Variants in BPNT2 observed in about 807,000 individuals in gnomAD.
BPNT2 encodes 3'(2'), 5'-bisphosphate nucleotidase 2.
In BPNT2, 11 loss-of-function variants were observed where a neutral mutation model predicts 29.3. The ratio of observed to expected loss-of-function variants is 0.38; its 90% confidence interval spans 0.24 to 0.62. The LOEUF (loss-of-function observed/expected upper bound fraction) is 0.62. Among genes scored for constraint, BPNT2 ranks in the 20% least tolerant of loss-of-function variants. The pLI, the probability that BPNT2 is intolerant of heterozygous loss-of-function variation, is 0.62. For missense variants in BPNT2, 459 were observed against 473.4 expected (o/e 0.97, Z 0.28); for synonymous variants, 195 against 187.7 (o/e 1.04, Z -0.32).
chr8:56,967,224 G>A (rs766726777), intron 3 of BPNT2: 1 of 456,286 alleles, frequency 2.2e-6, no homozygotes, highest in South Asian at 1.5e-5. Context: ...TCTGGCTGCA[G>A]AGAAAAAAAT....
rs1252335266 is a variant in BPNT2, at chr8:56,980,054, A to G, written c.531T>C (p.Asp177=). Residue 177 remains aspartate (D), a synonymous_variant, in exon 2 of 5, where the codon GAT becomes GAC. Transcript: ENST00000262644. ...AATTACCTGTATATTCCTGTGTAGC[A>G]TCAAGTGGGTCAATCCAGACAGTAA... ...ESVTVWIDPL[D]ATQEYTEDLR... is the part of the protein sequence containing the mutation. The G allele has an allele frequency of 1.2e-6, 2 of 1,613,870 alleles. No individual in the cohort carries two copies. Among genetic ancestry groups the G allele is most frequent in the East Asian group, 2.2e-5 (1 of 44,832 alleles).
At position 56,993,693 on chromosome 8, in the gene BPNT2, A is replaced by T. The variant is rs1380415212; in HGVS notation, c.-108T>A. The T allele has an allele frequency of 9.7e-7, 1 of 1,035,754 alleles. No individual in the cohort carries two copies. The highest frequency in any genetic ancestry group is 1.2e-6 in the Non-Finnish European group (1 of 863,942). The allele number at this position is 1,035,754 out of a possible 1,614,324, so 64.2% of individuals were successfully genotyped here. On this transcript the variant is annotated 5_prime_UTR_variant, in exon 1 of 5. Transcript: ENST00000262644. ...CCGGGCCAGGCGCCGCGCGGGCTACACTGGCGCCCGCTCCCCGGCCCCGGT... is the reference window on the plus strand; with the variant it reads ...CCGGGCCAGGCGCCGCGCGGGCTACTCTGGCGCCCGCTCCCCGGCCCCGGT...
chr8:56,969,854 T>C (rs1021243875), intron 3 of BPNT2, among the ~76,000 whole-genome samples: 6 of 152,214 alleles, frequency 3.9e-5, no homozygotes, highest in Non-Finnish European at 7.4e-5. Flanking sequence ...AGGAAGCCTG[T>C]TCCTTCCTGG....
chr8:56,993,442 G>C lies in BPNT2; in HGVS notation c.144C>G (p.Gly48=), dbSNP rs933551742. The part of the protein sequence containing the change: ...LFGLGGEPGG[G]AAGPAAAADG... ...CGGCCGCGGCCGCGGGCCCCGCCGC[G>C]CCGCCGCCAGGCTCGCCGCCCAGGC... Residue 48 remains glycine, a synonymous_variant, in exon 1 of 5, where the codon GGC becomes GGG. Coordinates refer to ENST00000262644, the MANE Select transcript of BPNT2 (RefSeq NM_017813.5). 1 of 1,476,164 alleles carries C rather than the reference G, an allele frequency of 6.8e-7. No individual in the cohort carries two copies. The highest frequency in any genetic ancestry group is 2.8e-5 in the East Asian group (1 of 35,946). The allele number at this position is 1,476,164 out of a possible 1,614,324, so 91.4% of individuals were successfully genotyped here. A position where few individuals can be genotyped will look rare whatever the true frequency, so the allele number is the denominator to read the frequency against.
At chr8:56,991,920 G>A (rs891883895) in intron 1 of BPNT2, among the ~76,000 whole-genome samples, 2 of 151,638 alleles carry the variant, frequency 1.3e-5, no homozygotes, top group African/African-American at 2.4e-5. Context: ...AACAGAGTAG[G>A]GAAGAAGAAA....
intron 2 of BPNT2, 59 bp from the exon 3 acceptor site, chr8:56,978,204 A>G (rs1180826729): frequency 2.9e-6 from 3 of 1,044,794 alleles, no homozygotes; most frequent in South Asian, 1.3e-5. Context: ...CATAAATTCA[A>G]GATACAATAT....
Position 56,958,435 on chromosome 8 carries a change from A to AGTAT in BPNT2, c.*5354_*5357dup, listed in dbSNP as rs1442630482. The AGTAT allele has an allele frequency of 6.6e-6, 1 of 152,180 alleles. No individual in the cohort carries two copies. Among genetic ancestry groups the AGTAT allele is most frequent in the Non-Finnish European group, 1.5e-5 (1 of 68,034 alleles). The allele number at this position is 152,180 out of a possible 1,614,324, so 9.4% of individuals were successfully genotyped here. ...AAGTCGGGACCCATTTAAATTTGGT[A>AGTAT]GTATGGGTGAGGAAGGTCATAACAC... On this transcript the variant is annotated 3_prime_UTR_variant, in exon 5 of 5. Transcript: ENST00000262644.
intron 1 of BPNT2, among the ~76,000 whole-genome samples, chr8:56,983,880 G>A: frequency 6.6e-6 from 1 of 152,022 alleles, no homozygotes; most frequent in East Asian, 1.9e-4. Flanking sequence ...ATCATGGTGT[G>A]GTGACTTACC....
rs2129207520 is a variant in BPNT2, at chr8:56,993,730, C to G, written c.-145G>C. 1.0e-6 allele frequency: 1 copy of G among 976,398 alleles called. No homozygotes were observed. The highest frequency in any genetic ancestry group is 4.6e-5 in the South Asian group (1 of 21,814). The allele number at this position is 976,398 out of a possible 1,614,324, so 60.5% of individuals were successfully genotyped here. A position where few individuals can be genotyped will look rare whatever the true frequency, so the allele number is the denominator to read the frequency against. ...TCCCCGGCCCCGGTGCGCCCCATCA[C>G]TCCCTCCCAGGAAAGGCCGAGTTGC... is the stretch of plus-strand genomic sequence containing the variant. On this transcript the variant is annotated 5_prime_UTR_variant, in exon 1 of 5. Coordinates refer to ENST00000262644, the MANE Select transcript of BPNT2 (RefSeq NM_017813.5).
Position 56,964,041 on chromosome 8 carries a change from C to G in BPNT2, c.832G>C (p.Asp278His). ...GAGYKVLALL[D>H]VPDKSQEKAD... ...TTTTCTTGACTCTTATCAGGCACATCCAAAAGTGCTAAAACTTTATAACCT... is the reference window on the plus strand; with the variant it reads ...TTTTCTTGACTCTTATCAGGCACATGCAAAAGTGCTAAAACTTTATAACCT... The change falls in exon 5 of 5, where the codon GAT becomes CAT. Residue 278 changes from aspartate to histidine, a missense_variant. Physicochemically the swap from Asp to His is moderately conservative, Grantham distance 81. Coordinates refer to ENST00000262644, the MANE Select transcript of BPNT2 (RefSeq NM_017813.5). The G allele has an allele frequency of 6.3e-7, 1 of 1,598,828 alleles. No homozygotes were observed. The highest frequency in any genetic ancestry group is 8.5e-7 in the Non-Finnish European group (1 of 1,170,334).
Position 56,993,400 on chromosome 8 carries a change from G to A in BPNT2, c.186C>T (p.Asp62=), listed in dbSNP as rs1184168622. Residue 62 remains aspartate, a synonymous_variant, in exon 1 of 5, where the codon GAC becomes GAT. Transcript: ENST00000262644. ...PAAAADGGTV[D]LREMLAVSVL... is the part of the protein sequence containing the mutation. Reference sequence around the variant, plus strand: ...CTGACACAGCCAGCATCTCGCGCAAGTCCACGGTGCCCCCATCGGCCGCGG... The same window carrying A: ...CTGACACAGCCAGCATCTCGCGCAAATCCACGGTGCCCCCATCGGCCGCGG... 5.0e-6 allele frequency: 8 copies of A among 1,606,320 alleles called. No homozygotes were observed. The highest frequency in any genetic ancestry group is 2.7e-5 in the African/African-American group (2 of 74,766).
chr8:56,984,034 C>CA (rs1214050328), intron 1 of BPNT2, among the ~76,000 whole-genome samples: 29 of 146,026 alleles, frequency 2.0e-4, no homozygotes, highest in African/African-American at 4.3e-4. Context: ...GAATAAACTT[C>CA]AAAAAAAAAA....
chr8:56,993,397 C>G lies in BPNT2; in HGVS notation c.189G>C (p.Leu63Phe), dbSNP rs751687995. The change falls in exon 1 of 5, where the codon TTG (leucine) becomes TTC (phenylalanine). Residue 63 changes from leucine (L) to phenylalanine (F), a missense_variant. Physicochemically the swap from Leu to Phe is conservative, Grantham distance 22. Coordinates refer to ENST00000262644, the MANE Select transcript of BPNT2 (RefSeq NM_017813.5). ...AAAADGGTVD[L>F]REMLAVSVLA... ...GCACTGACACAGCCAGCATCTCGCGCAAGTCCACGGTGCCCCCATCGGCCG... is the reference window on the plus strand; with the variant it reads ...GCACTGACACAGCCAGCATCTCGCGGAAGTCCACGGTGCCCCCATCGGCCG... The G allele has an allele frequency of 3.1e-6, 5 of 1,607,418 alleles. No individual in the cohort carries two copies. Among genetic ancestry groups the G allele is most frequent in the Non-Finnish European group, 4.2e-6 (5 of 1,179,292 alleles).
intron 3 of BPNT2, among the ~76,000 whole-genome samples, chr8:56,969,898 C>CT (rs764855480): frequency 6.6e-6 from 1 of 152,124 alleles, no homozygotes; most frequent in Non-Finnish European, 1.5e-5. Flanking sequence ...GTTCTATACT[C>CT]TAACTCCTTA....
At chr8:56,992,110 T>C (rs892954023) in intron 1 of BPNT2, among the ~76,000 whole-genome samples, 2 of 152,182 alleles carry the variant, frequency 1.3e-5, no homozygotes, top group African/African-American at 4.8e-5. Context: ...AGCAATATTA[T>C]GATAGACTGG....
At chr8:56,974,899 C>CAGAT (rs1237820584) in intron 3 of BPNT2, among the ~76,000 whole-genome samples, 1 of 152,118 alleles carries the variant, frequency 6.6e-6, no homozygotes, top group African/African-American at 2.4e-5. Flanking sequence ...CTAATACGTA[C>CAGAT]AGATGTGGAA....
chr8:56,964,003 G>A lies in BPNT2; in HGVS notation c.870C>T (p.Tyr290=), dbSNP rs1805894309. 4 of 1,610,664 alleles carry A rather than the reference G, an allele frequency of 2.5e-6. No individual in the cohort carries two copies. Among genetic ancestry groups the A allele is most frequent in the Non-Finnish European group, 3.4e-6 (4 of 1,177,888 alleles). The part of the protein sequence containing the change: ...PDKSQEKADL[Y]IHVTYIKKWD... ...ACTTTTTGATGTATGTCACATGGAT[G>A]TATAAATCAGCTTTTTCTTGACTCT... Residue 290 remains tyrosine (Y), a synonymous_variant, in exon 5 of 5, where the codon TAC becomes TAT. Transcript: ENST00000262644.
Position 56,993,862 on chromosome 8 carries a change from C to A in BPNT2, c.-277G>T, listed in dbSNP as rs1172849137. 3 of 198,184 alleles carry A rather than the reference C, an allele frequency of 1.5e-5. No homozygotes were observed. The highest frequency in any genetic ancestry group is 2.4e-5 in the African/African-American group (1 of 42,354). 12.3% of individuals were successfully genotyped at this position (198,184 alleles called of 1,614,324 possible). On this transcript the variant is annotated 5_prime_UTR_variant, in exon 1 of 5. Transcript: ENST00000262644. ...CGACTTCCACGTTAGCCTACGGCCGCGAGGTGAAAGGGGAGCGTGGGTGTG... is the reference window on the plus strand; with the variant it reads ...CGACTTCCACGTTAGCCTACGGCCGAGAGGTGAAAGGGGAGCGTGGGTGTG...
At position 56,963,722 on chromosome 8, in the gene BPNT2, C is replaced by T; in HGVS notation, c.*71G>A. On this transcript the variant is annotated 3_prime_UTR_variant, in exon 5 of 5. Transcript: ENST00000262644. ...TTAACCATGCATAGTCTCCACCAATCCTTTGAAGCTTCCAGCATCTCAGGC... is the reference window on the plus strand; with the variant it reads ...TTAACCATGCATAGTCTCCACCAATTCTTTGAAGCTTCCAGCATCTCAGGC... 2 of 1,564,796 alleles carry T rather than the reference C, an allele frequency of 1.3e-6. No individual in the cohort carries two copies. Among genetic ancestry groups the T allele is most frequent in the Non-Finnish European group, 1.8e-6 (2 of 1,137,422 alleles).
Sources: gnomAD v4.1 joint callset for allele counts (sites outside exome capture counted in the v4.1 genomes callset) on GRCh38, gnomAD v4.1.1 for gene constraint, MANE v1.5 for transcripts, NCBI Gene and HGNC (gene_info 2026-07-23, HGNC 2026-07-21) for gene names.